COL5A2: variants seen among roughly 807,000 people sequenced by gnomAD.
COL5A2 encodes the protein collagen type V alpha 2 chain.
COL5A2 carries 23 observed loss-of-function variants against 208.2 expected under a neutral mutation model. That is an observed-to-expected ratio of 0.11 (90% CI 0.08 to 0.16). The LOEUF (loss-of-function observed/expected upper bound fraction) is 0.16, where lower values mean the gene tolerates loss of function less well. Among genes scored for constraint, COL5A2 ranks in the 10% least tolerant of loss-of-function variants. The probability of loss-of-function intolerance (pLI) is 1.00; values close to 1 mark genes in which losing one functional copy is unlikely to be tolerated. For synonymous variants in COL5A2, 625 were observed against 628.5 expected (o/e 0.99, Z 0.08); for missense variants, 1,590 against 1,956.4 (o/e 0.81, Z 3.53).
At chr2:189,034,532 A>G (rs1166239307) in intron 53 of COL5A2, among the ~76,000 whole-genome samples, 1 of 152,072 alleles carries the variant, frequency 6.6e-6, no homozygotes, top group Non-Finnish European at 1.5e-5. Context: ...TTATATCTCA[A>G]TATGCAAGCG....
At chr2:189,348,155 C>T in the COL5A2 span, among the ~76,000 whole-genome samples, 2 of 152,120 alleles carry the variant, frequency 1.3e-5, no homozygotes, top group Non-Finnish European at 2.9e-5. Context: ...GATTATACCT[C>T]TTTCAACATC....
intron 1 of COL5A2, among the ~76,000 whole-genome samples, chr2:189,150,945 A>T (rs1688130136): frequency 6.6e-6 from 1 of 152,142 alleles, no homozygotes; most frequent in Non-Finnish European, 1.5e-5. Flanking sequence ...GTTAAAAAAG[A>T]TTTTCCACAG....
At chr2:189,365,445 T>C in the COL5A2 span, among the ~76,000 whole-genome samples, 2 of 152,242 alleles carry the variant, frequency 1.3e-5, no homozygotes, top group Middle Eastern at 3.2e-3. Context: ...TGCTCAGTAC[T>C]AGCACCAACT....
chr2:189,298,990 T>G, the COL5A2 span, among the ~76,000 whole-genome samples: 1 of 152,142 alleles, frequency 6.6e-6, no homozygotes, highest in Non-Finnish European at 1.5e-5. Context: ...GAACATTGAG[T>G]CCCACTGAAT....
the COL5A2 span, among the ~76,000 whole-genome samples, chr2:189,329,172 A>G: frequency 6.6e-6 from 1 of 152,220 alleles, no homozygotes; most frequent in East Asian, 1.9e-4. Flanking sequence ...TGTCATTTAC[A>G]ACAACATGCA....
the COL5A2 span, among the ~76,000 whole-genome samples, chr2:189,269,466 G>A: frequency 7.9e-5 from 12 of 152,040 alleles, no homozygotes; most frequent in East Asian, 3.9e-4. Context: ...GAATTTTATC[G>A]AAGGCCTTTT....
At chr2:189,110,044 G>C (rs1250417437) in intron 2 of COL5A2, among the ~76,000 whole-genome samples, 181 bp downstream of exon 2, 1 of 152,172 alleles carries the variant, frequency 6.6e-6, no homozygotes, top group Non-Finnish European at 1.5e-5. Context: ...GGAAATTACT[G>C]TCTGCTTCTA....
chr2:189,089,189 T>A (rs1686730102), intron 7 of COL5A2, among the ~76,000 whole-genome samples: 1 of 152,186 alleles, frequency 6.6e-6, no homozygotes, highest in Non-Finnish European at 1.5e-5. Flanking sequence ...GATTCCAGAT[T>A]CCATTTTGGA....
the COL5A2 span, among the ~76,000 whole-genome samples, chr2:189,367,558 C>G: frequency 1.0e-3 from 157 of 152,292 alleles, 1 homozygote; most frequent in Admixed American, 7.6e-3. Context: ...AAGCCACTTT[C>G]CACATTATTT....
the COL5A2 span, among the ~76,000 whole-genome samples, chr2:189,279,929 C>A: frequency 2.6e-5 from 4 of 151,980 alleles, no homozygotes; most frequent in African/African-American, 4.8e-5. Flanking sequence ...AGAGGTGGGG[C>A]CTTTGGGAGG....
chr2:189,317,457 T>G, the COL5A2 span, among the ~76,000 whole-genome samples: 1 of 152,146 alleles, frequency 6.6e-6, no homozygotes, highest in Non-Finnish European at 1.5e-5. Flanking sequence ...TTCCAAATAC[T>G]TTCTATGTAC....
At chr2:189,104,387 A>C in intron 2 of COL5A2, 110 bp from the exon 3 acceptor site, 1 of 819,188 alleles carries the variant, frequency 1.2e-6, no homozygotes. Context: ...AATTACAGTG[A>C]TAGTGATTAC....
At chr2:189,274,755 AC>A in the COL5A2 span, among the ~76,000 whole-genome samples, 122 of 152,294 alleles carry the variant, frequency 8.0e-4, no homozygotes, top group African/African-American at 2.8e-3. Context: ...ACAAAAAAAA[AC>A]AAATATTGAA....
chr2:189,403,224 T>C, the COL5A2 span, among the ~76,000 whole-genome samples: 1 of 152,192 alleles, frequency 6.6e-6, no homozygotes, highest in Non-Finnish European at 1.5e-5. Flanking sequence ...CTGTTATTGG[T>C]GTACAGGAAT....
Position 189,110,209 on chromosome 2 carries a change from C to T in COL5A2, c.322+16G>A. The T allele has an allele frequency of 6.5e-7, 1 of 1,542,654 alleles. No homozygotes were observed. Among genetic ancestry groups the T allele is most frequent in the Non-Finnish European group, 9.0e-7 (1 of 1,115,446 alleles). ...AGTAACTGGATCAATTATGAGTTGG[C>T]CCTAAACATTCTTACCAAAATTGGT... On this transcript the variant is annotated intron_variant, in intron 2 of 53. Coordinates refer to ENST00000374866, the MANE Select transcript of COL5A2 (RefSeq NM_000393.5).
chr2:189,182,268 G>A (rs1688791345), upstream of COL5A2, among the ~76,000 whole-genome samples: 1 of 152,104 alleles, frequency 6.6e-6, no homozygotes, highest in Admixed American at 6.5e-5. Flanking sequence ...TCCTAACAGT[G>A]TATGTTTTGT....
At chr2:189,048,074 T>C in intron 45 of COL5A2, 135 bp downstream of exon 45, 1 of 766,970 alleles carries the variant, frequency 1.3e-6, no homozygotes, top group South Asian at 1.6e-5. Context: ...ATTATGGCTT[T>C]ACAGAAACAG....
chr2:189,074,702 T>C (rs988585823), intron 17 of COL5A2, among the ~76,000 whole-genome samples: 1 of 152,222 alleles, frequency 6.6e-6, no homozygotes, highest in Non-Finnish European at 1.5e-5. Context: ...ACATCATCCA[T>C]CAAACACTTT....
intron 1 of COL5A2, among the ~76,000 whole-genome samples, chr2:189,195,909 G>A (rs1226251931): frequency 6.6e-6 from 1 of 152,160 alleles, no homozygotes; most frequent in Non-Finnish European, 1.5e-5. Context: ...AAGACTTTAT[G>A]ATGAAAATGC....
Sources: gnomAD v4.1 joint callset for allele counts (sites outside exome capture counted in the v4.1 genomes callset) on GRCh38, gnomAD v4.1.1 for gene constraint, MANE v1.5 for transcripts, NCBI Gene and HGNC (gene_info 2026-07-23, HGNC 2026-07-21) for gene names.